Variants in TCF12 observed in about 807,000 individuals in gnomAD.
TCF12 encodes transcription factor 12.
In TCF12, 45 loss-of-function variants were observed where a neutral mutation model predicts 86.0. The ratio of observed to expected loss-of-function variants is 0.52; its 90% CI spans 0.41 to 0.67. TCF12 has a LOEUF of 0.67. TCF12 is among the 30% of genes least tolerant of loss of function. The pLI is 0.00. For missense variants in TCF12, 881 were observed against 859.9 expected (o/e 1.02, Z -0.31); for synonymous variants, 330 against 299.6 (o/e 1.10, Z -1.05).
intron 3 of TCF12, among the ~76,000 whole-genome samples, chr15:56,940,517 C>CCTCCTTCTTCTTCTCCTTCTT (rs1245673693): frequency 4.7e-5 from 7 of 149,354 alleles, no homozygotes; most frequent in Non-Finnish European, 1.0e-4. Flanking sequence ...TTCTCCTCCT[C>CCTCCTTCTTCTTCTCCTTCTT]CTCCTTCTTC....
intron 2 of TCF12, among the ~76,000 whole-genome samples, chr15:56,920,748 A>G (rs1268307666): frequency 1.3e-5 from 2 of 152,202 alleles, no homozygotes; most frequent in African/African-American, 4.8e-5. Flanking sequence ...GTTCTGCAGT[A>G]AAGATCATGT....
intron 8 of TCF12, among the ~76,000 whole-genome samples, chr15:57,206,823 A>AGC (rs2057839649): frequency 6.6e-6 from 1 of 151,116 alleles, no homozygotes; most frequent in East Asian, 1.9e-4. Context: ...TAGAACCTAA[A>AGC]GCTGGGCCAT....
At position 57,271,333 on chromosome 15, in the gene TCF12, G is replaced by C. The variant is rs374149368; in HGVS notation, c.1746-1697G>C. On this transcript the variant is annotated intron_variant, in intron 18 of 20. Coordinates refer to ENST00000333725, the MANE Select transcript of TCF12 (RefSeq NM_207037.2). ...CCCCTGCCAAAGTTAGGCATCCCAG[G>C]TCGATCTCAGACTGCTGCGCTAGCA... Among the ~76,000 whole-genome samples the C allele has an allele frequency of 1.2e-3, 185 of 152,320 alleles. 1 individual carries two copies. The highest frequency in any genetic ancestry group is 4.2e-3 in the African/African-American group (176 of 41,576).
chr15:57,242,553 G>A (rs986751134), intron 12 of TCF12, among the ~76,000 whole-genome samples: 1 of 152,130 alleles, frequency 6.6e-6, no homozygotes, highest in Admixed American at 6.5e-5. Flanking sequence ...CGTAGTCTGA[G>A]CTACTAGGGA....
intron 3 of TCF12, among the ~76,000 whole-genome samples, chr15:57,042,715 T>G (rs1197852634): frequency 6.6e-6 from 1 of 152,172 alleles, no homozygotes; most frequent in Non-Finnish European, 1.5e-5. Flanking sequence ...TGCCCAGCCT[T>G]ACATATAAAT....
At chr15:56,950,896 A>G (rs2061242566) in intron 3 of TCF12, among the ~76,000 whole-genome samples, 1 of 151,586 alleles carries the variant, frequency 6.6e-6, no homozygotes, top group African/African-American at 2.4e-5. Flanking sequence ...AGCTGGGATT[A>G]TAGGCATGTA....
At chr15:57,129,670 A>G (rs1708045955) in intron 5 of TCF12, 1 of 152,224 alleles carries the variant, frequency 6.6e-6, no homozygotes, top group Non-Finnish European at 1.5e-5. Context: ...CTGGCCTTGC[A>G]CTATTTTTGA....
chr15:57,157,549 ACTT>A (rs1244104625), intron 5 of TCF12, among the ~76,000 whole-genome samples: 2 of 148,666 alleles, frequency 1.3e-5, no homozygotes, highest in East Asian at 3.9e-4. Context: ...ATTATAGTTT[ACTT>A]CTTTTTTTTT....
At chr15:57,274,310 T>C (rs1264224595) in intron 19 of TCF12, among the ~76,000 whole-genome samples, 1 of 152,234 alleles carries the variant, frequency 6.6e-6, no homozygotes, top group African/African-American at 2.4e-5. Context: ...TATACAGTAG[T>C]AGTTAATTCA....
intron 5 of TCF12, among the ~76,000 whole-genome samples, chr15:57,162,495 T>C (rs1236851552): frequency 1.3e-5 from 2 of 152,098 alleles, no homozygotes. Flanking sequence ...AAAGGTGAAA[T>C]AAAAATGTAT....
chr15:57,221,229 G>T (rs1368431235), intron 8 of TCF12, among the ~76,000 whole-genome samples: 2 of 152,096 alleles, frequency 1.3e-5, no homozygotes, highest in African/African-American at 4.8e-5. Context: ...GCAGAGCTTT[G>T]GATAATGTAA....
chr15:56,995,569 C>G (rs2063672598), intron 3 of TCF12, among the ~76,000 whole-genome samples: 1 of 151,850 alleles, frequency 6.6e-6, no homozygotes, highest in African/African-American at 2.4e-5. Flanking sequence ...ATTTTTGTGG[C>G]TATTGTAAAT....
intron 6 of TCF12, among the ~76,000 whole-genome samples, chr15:57,185,452 C>G (rs143002286): frequency 6.6e-6 from 1 of 152,188 alleles, no homozygotes; most frequent in Non-Finnish European, 1.5e-5. Flanking sequence ...AGTAACCTAA[C>G]TTCATACCTT....
intron 5 of TCF12, among the ~76,000 whole-genome samples, chr15:57,112,163 C>G (rs1388971958): frequency 6.6e-6 from 1 of 152,200 alleles, no homozygotes; most frequent in Non-Finnish European, 1.5e-5. Flanking sequence ...CATGAGCCTG[C>G]TGACAGCTGA....
At position 57,241,496 on chromosome 15, in the gene TCF12, A is replaced by G. The variant is rs1327168875; in HGVS notation, c.1036-1976A>G. Among the ~76,000 whole-genome samples the G allele has an allele frequency of 2.6e-5, 4 of 152,322 alleles. No individual in the cohort carries two copies. In the East Asian group the frequency reaches 7.7e-4, roughly 29 times the overall value. On this transcript the variant is annotated intron_variant, in intron 12 of 20. Coordinates refer to ENST00000333725, the MANE Select transcript of TCF12 (RefSeq NM_207037.2). ...CAAAATAGCTTTTTAAATAGAGTATACAGTGTCTAGATCCTGAAAATAGAG... is the reference window on the plus strand; with the variant it reads ...CAAAATAGCTTTTTAAATAGAGTATGCAGTGTCTAGATCCTGAAAATAGAG...
chr15:57,120,149 C>G (rs192762009), intron 5 of TCF12, among the ~76,000 whole-genome samples: 296 of 152,306 alleles, frequency 1.9e-3, no homozygotes, highest in African/African-American at 6.5e-3. Flanking sequence ...TTGCTAGATA[C>G]TGCGTTGACT....
chr15:57,231,058 C>T (rs1292977650), intron 8 of TCF12, 94 bp from the exon 9 acceptor site: 4 of 850,940 alleles, frequency 4.7e-6, no homozygotes, highest in East Asian at 2.6e-5. Flanking sequence ...ATTAGATAGG[C>T]CTTTTTAAGC....
chr15:56,966,219 T>G (rs578060009), intron 3 of TCF12, among the ~76,000 whole-genome samples: 40 of 152,208 alleles, frequency 2.6e-4, no homozygotes, highest in African/African-American at 9.2e-4. Flanking sequence ...TCTATTTAGG[T>G]TGGTGCAAAC....
chr15:56,981,063 G>T (rs1425924734), intron 3 of TCF12, among the ~76,000 whole-genome samples: 2 of 152,172 alleles, frequency 1.3e-5, no homozygotes, highest in Admixed American at 1.3e-4. Context: ...GACTAATGAT[G>T]ATTTATCTAA....
Sources: gnomAD v4.1 joint callset for allele counts (sites outside exome capture counted in the v4.1 genomes callset) on GRCh38, gnomAD v4.1.1 for gene constraint, MANE v1.5 for transcripts, NCBI Gene and HGNC (gene_info 2026-07-23, HGNC 2026-07-21) for gene names.